The following PTPRT variants were observed in gnomAD, a reference collection of about 807,000 sequenced individuals.
PTPRT encodes the protein protein tyrosine phosphatase receptor type T.
A neutral mutation model predicts 176.8 loss-of-function variants in PTPRT; 56 were observed. The observed-to-expected ratio is 0.32, with a 90% CI of 0.26 to 0.40. PTPRT has a LOEUF of 0.40. PTPRT is among the 10% of genes least tolerant of loss of function. PTPRT has a pLI of 1.00. For synonymous variants in PTPRT, 783 were observed against 739.0 expected (o/e 1.06, Z -0.96); for missense variants, 1,540 against 1,908.2 (o/e 0.81, Z 3.60).
At chr20:42,259,563 T>C (rs1194035765) in intron 13 of PTPRT, among the ~76,000 whole-genome samples, 3 of 152,192 alleles carry the variant, frequency 2.0e-5, no homozygotes, top group African/African-American at 7.2e-5. Flanking sequence ...GAGGATTCAG[T>C]CTGTGGTAAG....
intron 9 of PTPRT, among the ~76,000 whole-genome samples, chr20:42,359,704 A>G (rs1486182704): frequency 6.6e-6 from 1 of 152,244 alleles, no homozygotes; most frequent in African/African-American, 2.4e-5. Flanking sequence ...GCCTCTGAAC[A>G]GCATCTGCCA....
intron 30 of PTPRT, among the ~76,000 whole-genome samples, chr20:42,081,403 C>T (rs983400962): frequency 1.3e-5 from 2 of 152,166 alleles, no homozygotes; most frequent in African/African-American, 4.8e-5. Context: ...TAAAGCTCCT[C>T]GTGCATGGTG....
rs62203510 is a variant in PTPRT at position 42,457,913 on chromosome 20, C to T, written c.1451-9584G>A. On this transcript the variant is annotated intron_variant, in intron 8 of 30. Coordinates refer to ENST00000373187, the MANE Select transcript of PTPRT (RefSeq NM_007050.6). ...TTGGAGGGGGAGCTCTCGTTCTCTG[C>T]ATCATGGACTAGCAAATAAAGATGA... Among the ~76,000 whole-genome samples the T allele has an allele frequency of 8.7e-3, 1,324 of 152,250 alleles. 11 individuals are homozygous for T. Among genetic ancestry groups the T allele is most frequent in the Middle Eastern group, 0.014 (4 of 294 alleles).
chr20:42,946,687 C>T (rs772892266), intron 1 of PTPRT, among the ~76,000 whole-genome samples: 3 of 152,246 alleles, frequency 2.0e-5, no homozygotes, highest in Non-Finnish European at 2.9e-5. Flanking sequence ...CAACATGTAC[C>T]ATATATACTG....
At chr20:42,648,134 G>A (rs2074947659) in intron 7 of PTPRT, among the ~76,000 whole-genome samples, 1 of 152,224 alleles carries the variant, frequency 6.6e-6, no homozygotes. Context: ...TAAAGACCCT[G>A]GGCCTTGGGG....
intron 2 of PTPRT, among the ~76,000 whole-genome samples, chr20:42,884,827 C>T (rs1430364577): frequency 2.0e-5 from 3 of 152,118 alleles, no homozygotes; most frequent in Admixed American, 1.3e-4. Context: ...ACAACTGCAG[C>T]AGGGACATGT....
intron 15 of PTPRT, among the ~76,000 whole-genome samples, chr20:42,219,623 C>A (rs2055839870): frequency 6.6e-6 from 1 of 152,220 alleles, no homozygotes; most frequent in South Asian, 2.1e-4. Flanking sequence ...TGAGTGCTTG[C>A]TGGGTGCCAG....
chr20:42,223,011 C>T (rs952248707), intron 15 of PTPRT, among the ~76,000 whole-genome samples: 2 of 152,112 alleles, frequency 1.3e-5, no homozygotes, highest in African/African-American at 4.8e-5. Context: ...CTGGTGTCCG[C>T]TGCTTGATGT....
chr20:42,943,432 C>A (rs116337868), intron 1 of PTPRT, among the ~76,000 whole-genome samples: 3,933 of 152,212 alleles, frequency 0.026, 113 homozygotes, highest in African/African-American at 0.067. Context: ...TGCAGGGAAG[C>A]TTGACCTAAT....
intron 13 of PTPRT, among the ~76,000 whole-genome samples, chr20:42,260,802 A>C (rs2056735541): frequency 6.6e-6 from 1 of 152,220 alleles, no homozygotes; most frequent in Non-Finnish European, 1.5e-5. Context: ...GGAGAAGCAG[A>C]AACCAAACCA....
At chr20:42,315,094 C>CTTT (rs1568766594) in intron 12 of PTPRT, among the ~76,000 whole-genome samples, 4 of 68,164 alleles carry the variant, frequency 5.9e-5, no homozygotes, top group Admixed American at 1.3e-4. Context: ...GGTTACCTTG[C>CTTT]GTGAACCCGG....
intron 27 of PTPRT, among the ~76,000 whole-genome samples, chr20:42,091,187 T>C (rs1984578070): frequency 6.6e-6 from 1 of 152,266 alleles, no homozygotes; most frequent in African/African-American, 2.4e-5. Flanking sequence ...CCTGTGTGGA[T>C]AGCCCTGGAA....
At chr20:42,094,194 G>C (rs3092368) in intron 27 of PTPRT, among the ~76,000 whole-genome samples, 29,470 of 152,146 alleles carry the variant, frequency 0.19, 3,290 homozygotes, top group Middle Eastern at 0.33. Flanking sequence ...TGTTGAAAAA[G>C]AGAAGAGCAA....
chr20:42,331,953 G>A (rs2057970753), intron 11 of PTPRT, among the ~76,000 whole-genome samples: 1 of 151,756 alleles, frequency 6.6e-6, no homozygotes, highest in African/African-American at 2.4e-5. Context: ...CAATACTGCT[G>A]GTGCCTCAGG....
chr20:42,197,044 T>C (rs940921636), intron 16 of PTPRT, among the ~76,000 whole-genome samples: 3 of 152,132 alleles, frequency 2.0e-5, no homozygotes, highest in Admixed American at 1.3e-4. Flanking sequence ...TAGACAAATC[T>C]GGATTGTGGA....
intron 2 of PTPRT, among the ~76,000 whole-genome samples, chr20:42,865,312 G>GA (rs1215226821): frequency 5.9e-5 from 9 of 152,298 alleles, no homozygotes; most frequent in African/African-American, 9.6e-5. Flanking sequence ...AGCAGACCCG[G>GA]ATCTCCTGAG....
At chr20:42,377,986 G>T (rs1265546505) in intron 9 of PTPRT, among the ~76,000 whole-genome samples, 1 of 152,146 alleles carries the variant, frequency 6.6e-6, no homozygotes, top group Non-Finnish European at 1.5e-5. Context: ...TAGTACTAGG[G>T]GTCCTACCCA....
Position 43,189,611 on chromosome 20 carries a change from C to T in PTPRT, c.88+35G>A. On this transcript the variant is annotated intron_variant, in intron 1 of 30. Coordinates refer to ENST00000373187, the MANE Select transcript of PTPRT (RefSeq NM_007050.6). The surrounding 1 kb of genome is among the most constrained non-coding windows in gnomAD (Gnocchi z 5.0). ...GGGCCCGCGCGCATCCAGGAGGGAG[C>T]GGGGAGCCCAGGGGAGCCGGGCGGG... 4 of 1,213,522 alleles carry T rather than the reference C, an allele frequency of 3.3e-6. No individual in the cohort carries two copies. The highest frequency in any genetic ancestry group is 4.1e-6 in the Non-Finnish European group (4 of 970,574). The allele number at this position is 1,213,522 out of a possible 1,614,324, so 75.2% of individuals were successfully genotyped here.
At chr20:42,178,917 G>A (rs534920939) in intron 16 of PTPRT, among the ~76,000 whole-genome samples, 2 of 152,312 alleles carry the variant, frequency 1.3e-5, no homozygotes, top group South Asian at 4.1e-4. Flanking sequence ...ACAAGTGGGA[G>A]TGAGAGAGAG....
Sources: gnomAD v4.1 joint callset for allele counts (sites outside exome capture counted in the v4.1 genomes callset) on GRCh38, gnomAD v4.1.1 for gene constraint, Gnocchi (gnomAD v3.1) non-coding constraint, MANE v1.5 for transcripts, NCBI Gene and HGNC (gene_info 2026-07-23, HGNC 2026-07-21) for gene names.